The following UVRAG variants were observed in gnomAD, a reference collection of about 807,000 sequenced individuals.
UVRAG encodes UV radiation resistance-associated gene protein.
In UVRAG, 19 loss-of-function variants were observed where a neutral mutation model predicts 78.0. That is an observed-to-expected ratio of 0.24 (90% CI 0.17 to 0.36). The LOEUF (loss-of-function observed/expected upper bound fraction) is 0.36, where lower values mean the gene tolerates loss of function less well. Ranked by LOEUF, UVRAG falls within the 10% of genes least tolerant of loss-of-function variation. The pLI is 1.00. For synonymous variants in UVRAG, 323 were observed against 324.6 expected (o/e 1.00, Z 0.05); for missense variants, 740 against 853.8 (o/e 0.87, Z 1.66).
At chr11:75,944,568 G>T (rs868412594) in intron 6 of UVRAG, among the ~76,000 whole-genome samples, 2 of 152,232 alleles carry the variant, frequency 1.3e-5, no homozygotes, top group Middle Eastern at 6.8e-3. Flanking sequence ...ACTGCATGCT[G>T]GAAACTATGC....
At chr11:76,076,938 G>A (rs1951415128) in intron 13 of UVRAG, among the ~76,000 whole-genome samples, 1 of 150,626 alleles carries the variant, frequency 6.6e-6, no homozygotes, top group South Asian at 2.1e-4. Flanking sequence ...AATCACCTGA[G>A]TCCAGGAGGT....
chr11:76,113,501 C>T (rs774295210), intron 13 of UVRAG, among the ~76,000 whole-genome samples: 1 of 151,634 alleles, frequency 6.6e-6, no homozygotes, highest in Non-Finnish European at 1.5e-5. Flanking sequence ...AAGGTGTTCT[C>T]AGAGTTTGGG....
intron 2 of UVRAG, among the ~76,000 whole-genome samples, chr11:75,855,308 G>A (rs1352589777): frequency 6.6e-6 from 1 of 152,238 alleles, no homozygotes; most frequent in East Asian, 1.9e-4. Context: ...GCACGGGGAA[G>A]TCCGGGGTCT....
intron 3 of UVRAG, among the ~76,000 whole-genome samples, chr11:75,869,216 C>T (rs1290107455): frequency 1.3e-5 from 2 of 152,180 alleles, no homozygotes; most frequent in Non-Finnish European, 2.9e-5. Context: ...AGAGGGCTAA[C>T]AGAGGTCACT....
intron 12 of UVRAG, among the ~76,000 whole-genome samples, chr11:76,049,031 G>A (rs912528531): frequency 6.6e-6 from 1 of 152,228 alleles, no homozygotes; most frequent in African/African-American, 2.4e-5. Context: ...TCATAGCCAT[G>A]TAGACACAGC....
At chr11:75,835,945 C>CA (rs531320366) in intron 1 of UVRAG, among the ~76,000 whole-genome samples, 2 of 151,782 alleles carry the variant, frequency 1.3e-5, no homozygotes, top group Non-Finnish European at 2.9e-5. Flanking sequence ...AAAATATATA[C>CA]AAAAAATTAA....
At chr11:76,086,040 C>G (rs1951584185) in intron 13 of UVRAG, among the ~76,000 whole-genome samples, 1 of 152,116 alleles carries the variant, frequency 6.6e-6, no homozygotes, top group East Asian at 1.9e-4. Flanking sequence ...GTTCCATTCC[C>G]TCAGTAAGCA....
At chr11:76,094,492 C>CA (rs562923395) in intron 13 of UVRAG, among the ~76,000 whole-genome samples, 8 of 152,022 alleles carry the variant, frequency 5.3e-5, no homozygotes, top group Non-Finnish European at 1.0e-4. Context: ...TGGTCCTGGA[C>CA]TTTTTTTGGT....
At chr11:75,960,829 T>A (rs1948895256) in intron 6 of UVRAG, among the ~76,000 whole-genome samples, 1 of 152,144 alleles carries the variant, frequency 6.6e-6, no homozygotes, top group African/African-American at 2.4e-5. Flanking sequence ...AACCATAATT[T>A]AAAAATAAAA....
intron 13 of UVRAG, among the ~76,000 whole-genome samples, chr11:76,095,703 A>G (rs940120171): frequency 2.0e-5 from 3 of 151,558 alleles, no homozygotes; most frequent in South Asian, 2.1e-4. Flanking sequence ...CCCTATCTCT[A>G]TAAAATATTT....
At chr11:76,035,800 C>CT (rs1950522118) in intron 12 of UVRAG, among the ~76,000 whole-genome samples, 1 of 152,098 alleles carries the variant, frequency 6.6e-6, no homozygotes, top group Admixed American at 6.6e-5. Context: ...ATGAAACAGA[C>CT]TAAGAAAGTG....
chr11:76,045,983 AGAG>A (rs1184363389), intron 12 of UVRAG, among the ~76,000 whole-genome samples: 1 of 152,186 alleles, frequency 6.6e-6, no homozygotes, highest in Admixed American at 6.5e-5. Flanking sequence ...ATGGAATTCT[AGAG>A]GTAAAGTGAA....
chr11:75,987,392 C>T (rs1397946597), intron 8 of UVRAG, among the ~76,000 whole-genome samples: 2 of 152,106 alleles, frequency 1.3e-5, no homozygotes, highest in Non-Finnish European at 2.9e-5. Flanking sequence ...AATTTTATAT[C>T]CAAGGAACTT....
intron 13 of UVRAG, among the ~76,000 whole-genome samples, chr11:76,106,104 A>G (rs1454438271): frequency 1.3e-5 from 2 of 152,216 alleles, no homozygotes; most frequent in Admixed American, 6.5e-5. Flanking sequence ...ATGTCCCTCA[A>G]CTGGCATATA....
At chr11:75,915,502 G>A (rs1188134659) in intron 6 of UVRAG, among the ~76,000 whole-genome samples, 2 of 152,098 alleles carry the variant, frequency 1.3e-5, no homozygotes, top group South Asian at 2.1e-4. Context: ...TTAATTAATA[G>A]CCAGTTTACT....
intron 1 of UVRAG, among the ~76,000 whole-genome samples, chr11:75,851,540 C>T (rs1946152450): frequency 6.6e-6 from 1 of 152,100 alleles, no homozygotes; most frequent in East Asian, 1.9e-4. Context: ...TATCAGAATC[C>T]CTCTGTGGAG....
At chr11:76,029,206 G>A (rs1591152107) in intron 12 of UVRAG, among the ~76,000 whole-genome samples, 1 of 152,008 alleles carries the variant, frequency 6.6e-6, no homozygotes, top group African/African-American at 2.4e-5. Flanking sequence ...TGAGACCTAC[G>A]GCTCAGAAAA....
intron 6 of UVRAG, among the ~76,000 whole-genome samples, chr11:75,939,118 G>A (rs954972198): frequency 6.6e-6 from 1 of 151,808 alleles, no homozygotes; most frequent in Non-Finnish European, 1.5e-5. Context: ...ATTTCAGGTG[G>A]GATTAAATGC....
chr11:75,888,748 T>A (rs555334660), intron 4 of UVRAG, 81 bp from the exon 5 acceptor site: 4 of 1,202,832 alleles, frequency 3.3e-6, no homozygotes, highest in Non-Finnish European at 4.7e-6. Context: ...AAGTAGATCC[T>A]GTTGTAACTG....
Sources: allele counts gnomAD v4.1 joint callset (sites outside exome capture counted in the v4.1 genomes callset), GRCh38; gene constraint gnomAD v4.1.1; transcripts MANE v1.5; gene names NCBI Gene and HGNC (gene_info 2026-07-23, HGNC 2026-07-21).